The following DLG3 variants were observed in gnomAD, a reference collection of about 807,000 sequenced individuals.
DLG3 encodes the protein disks large homolog 3.
In DLG3, 1 loss-of-function variant was observed where a neutral mutation model predicts 64.1. That is an observed-to-expected ratio of 0.02 (90% CI 0.01 to 0.07). DLG3 has a LOEUF of 0.07. Among genes scored for constraint, DLG3 ranks in the 10% least tolerant of loss-of-function variants. The pLI is 1.00. For synonymous variants in DLG3, 245 were observed against 259.8 expected, an observed-to-expected ratio of 0.94 and a Z score of 0.55; for missense variants, 429 against 669.5, an observed-to-expected ratio of 0.64 and a Z score of 3.96.
chrX:70,487,566 C>G (rs2087275606), intron 10 of DLG3, among the ~76,000 whole-genome samples: 1 of 111,923 alleles, frequency 8.9e-6, no homozygotes, highest in Non-Finnish European at 1.9e-5. Context: ...TATACTACAC[C>G]CTCTGTCACC....
At chrX:70,453,356 T>G in intron 7 of DLG3, 1 of 289,824 alleles carries the variant, frequency 3.5e-6, no homozygotes, top group Non-Finnish European at 6.0e-6. Context: ...GTCTCTGGAG[T>G]TCAGGGTAGG....
chrX:70,460,322 C>G (rs2086782486), intron 9 of DLG3, among the ~76,000 whole-genome samples: 1 of 107,331 alleles, frequency 9.3e-6, no homozygotes, highest in Non-Finnish European at 1.9e-5. Context: ...CAAATCTCAG[C>G]TTTTTAGTCT....
chrX:70,465,041 A>C (rs1212827945), intron 9 of DLG3, among the ~76,000 whole-genome samples: 1 of 112,315 alleles, frequency 8.9e-6, no homozygotes, highest in Non-Finnish European at 1.9e-5. Context: ...GGGCCTAAGT[A>C]GACGTCCTTT....
chrX:70,447,419 G>A (rs1480827137), intron 1 of DLG3, among the ~76,000 whole-genome samples: 2 of 112,237 alleles, frequency 1.8e-5, no homozygotes, highest in Non-Finnish European at 3.8e-5. Flanking sequence ...TTCTTCCTGG[G>A]GTCACAGACC....
chrX:70,469,010 G>T (rs1033282021), intron 9 of DLG3, among the ~76,000 whole-genome samples: 1 of 110,107 alleles, frequency 9.1e-6, no homozygotes, highest in Non-Finnish European at 1.9e-5. Flanking sequence ...CAAGTAATAG[G>T]CTTCATTATT....
chrX:70,493,572 T>C, intron 12 of DLG3: 5 of 722,704 alleles, frequency 6.9e-6, no homozygotes, highest in Non-Finnish European at 1.1e-5. Context: ...CAGGGCCACG[T>C]GTGGCCTCGT....
At chrX:70,480,023 C>T (rs1009974261) in intron 10 of DLG3, among the ~76,000 whole-genome samples, 1 of 111,940 alleles carries the variant, frequency 8.9e-6, no homozygotes, top group Non-Finnish European at 1.9e-5. Flanking sequence ...TTAGGGATAG[C>T]TTCCTTCTTC....
chrX:70,454,882 G>T (rs1301935739), intron 9 of DLG3, among the ~76,000 whole-genome samples: 1 of 113,205 alleles, frequency 8.8e-6, no homozygotes, highest in Non-Finnish European at 1.9e-5. Context: ...TCAGTGAGCA[G>T]TCCTTGGCTG....
intron 12 of DLG3, 65 bp from the exon 13 acceptor site, chrX:70,495,343 T>TCCCTTC (rs1252672794): frequency 2.0e-6 from 2 of 989,941 alleles, no homozygotes; most frequent in South Asian, 1.9e-5. Flanking sequence ...TTCCCTCCCA[T>TCCCTTC]CCCTTCCCCT....
intron 9 of DLG3, among the ~76,000 whole-genome samples, chrX:70,469,397 A>G (rs1467282294): frequency 5.5e-5 from 6 of 109,796 alleles, no homozygotes; most frequent in Admixed American, 2.0e-4. Flanking sequence ...CATACTAACA[A>G]GTATCTTCTT....
chrX:70,448,856 G>A, intron 1 of DLG3, 57 bp from the exon 2 acceptor site: 1 of 1,177,654 alleles, frequency 8.5e-7, no homozygotes, highest in Admixed American at 2.3e-5. Flanking sequence ...GTTGACTAAG[G>A]GGCAGATGGC....
chrX:70,489,289 T>G (rs1032432577), intron 10 of DLG3, among the ~76,000 whole-genome samples: 7 of 112,106 alleles, frequency 6.2e-5, no homozygotes, highest in African/African-American at 9.7e-5. Context: ...TTAATTTTTT[T>G]TTGTTGTTTT....
In DLG3 at chrX:70,502,742, CAG is replaced by C. The variant is rs1743991121; in HGVS notation, c.*475_*476del. On this transcript the variant is annotated 3_prime_UTR_variant, in exon 19 of 19. Transcript: ENST00000374360. Reference sequence around the variant, plus strand: ...TCTGAACGGTGCAACGTAATGGCGACAGAAAGTATCTTATTTATATATAGATA... The same window carrying C: ...TCTGAACGGTGCAACGTAATGGCGACAAAGTATCTTATTTATATATAGATA... 1 of 106,923 alleles carries C rather than the reference CAG, an allele frequency of 9.4e-6. No individual in the cohort carries two copies. Among genetic ancestry groups the C allele is most frequent in the African/African-American group, 3.4e-5 (1 of 29,458 alleles). 8.8% of individuals were successfully genotyped at this position (106,923 alleles called of 1,213,427 possible).
At chrX:70,453,832 G>T (rs780377208) in intron 8 of DLG3, 39 bp downstream of exon 8, 2 of 1,122,319 alleles carry the variant, frequency 1.8e-6, no homozygotes, top group South Asian at 4.3e-5. Context: ...TGGGAACTGT[G>T]CCAGTCTAAA....
intron 9 of DLG3, among the ~76,000 whole-genome samples, chrX:70,467,113 ACTGTGTT>A (rs761187476): frequency 1.8e-5 from 2 of 110,604 alleles, no homozygotes; most frequent in African/African-American, 6.6e-5. Context: ...ATGGGGTCTC[ACTGTGTT>A]GCCCAGGCTG....
intron 9 of DLG3, among the ~76,000 whole-genome samples, chrX:70,477,097 T>A (rs993151448): frequency 4.4e-5 from 5 of 112,459 alleles, no homozygotes; most frequent in African/African-American, 1.3e-4. Flanking sequence ...AAATGGTGGT[T>A]TCGTGGTTGT....
At chrX:70,481,881 T>G (rs758709926) in intron 10 of DLG3, among the ~76,000 whole-genome samples, 2 of 112,104 alleles carry the variant, frequency 1.8e-5, no homozygotes, top group African/African-American at 6.5e-5. Flanking sequence ...TCTGCCCCCC[T>G]AAATGGCAAT....
At chrX:70,498,146 C>T (rs1045845078) in intron 13 of DLG3, among the ~76,000 whole-genome samples, 1 of 112,114 alleles carries the variant, frequency 8.9e-6, no homozygotes, top group Non-Finnish European at 1.9e-5. Context: ...GAAGGGGACT[C>T]GGGCAAGCAT....
chrX:70,449,932 T>A (rs1199344084), intron 4 of DLG3, 73 bp downstream of exon 4: 2 of 1,107,415 alleles, frequency 1.8e-6, no homozygotes, highest in Non-Finnish European at 2.4e-6. Context: ...CATAGGGAAT[T>A]GGAAGGGAAT....
Sources: gnomAD v4.1 joint callset for allele counts (sites outside exome capture counted in the v4.1 genomes callset) on GRCh38, gnomAD v4.1.1 for gene constraint, MANE v1.5 for transcripts, NCBI Gene and HGNC (gene_info 2026-07-23, HGNC 2026-07-21) for gene names.